Variants in CMTR1 observed in about 807,000 individuals in gnomAD.
CMTR1 encodes the protein cap-specific mRNA (nucleoside-2'-O-)-methyltransferase 1.
A neutral mutation model predicts 107.0 loss-of-function variants in CMTR1; 39 were observed. The observed-to-expected ratio is 0.36, with a 90% confidence interval of 0.28 to 0.48. The LOEUF (loss-of-function observed/expected upper bound fraction) is 0.48, where lower values mean the gene tolerates loss of function less well. Among genes scored for constraint, CMTR1 ranks in the 20% least tolerant of loss-of-function variants. The pLI is 0.99. For missense variants in CMTR1, 672 were observed against 1,064.9 expected, an observed-to-expected ratio of 0.63 and a Z score of 5.14; for synonymous variants, 366 against 379.5, an observed-to-expected ratio of 0.96 and a Z score of 0.41.
rs557292120 is a variant in CMTR1 at position 37,472,776 on chromosome 6, G to A, written c.1689+289G>A. Among the ~76,000 whole-genome samples the A allele has an allele frequency of 2.7e-4, 41 of 152,336 alleles. No individual in the cohort carries two copies. The highest frequency in any genetic ancestry group is 5.1e-4 in the Non-Finnish European group (35 of 68,032). On this transcript the variant is annotated intron_variant, in intron 16 of 23. Transcript: ENST00000373451. The surrounding 1 kb of genome is among the most constrained non-coding windows in gnomAD (Gnocchi z 4.1). Reference sequence around the variant, plus strand: ...GCTGTGTCACCCTGGCAAGTTCAGGGTCCTGTGGGATTTGCCTACAAAGGA... The same window carrying A: ...GCTGTGTCACCCTGGCAAGTTCAGGATCCTGTGGGATTTGCCTACAAAGGA...
the CMTR1 span, among the ~76,000 whole-genome samples, chr6:37,424,261 G>A: frequency 7.8e-6 from 1 of 128,648 alleles, no homozygotes; most frequent in Non-Finnish European, 1.7e-5. Flanking sequence ...TTTTTTTTTT[G>A]AGATGGAGTC....
At chr6:37,474,708 C>G in intron 18 of CMTR1, 62 bp downstream of exon 18, 4 of 1,595,354 alleles carry the variant, frequency 2.5e-6, no homozygotes, top group Non-Finnish European at 2.6e-6. Flanking sequence ...GCTGCTGAAC[C>G]TGGCCTTTTG....
At chr6:37,436,567 C>G (rs1332291749) in intron 2 of CMTR1, among the ~76,000 whole-genome samples, 1 of 152,212 alleles carries the variant, frequency 6.6e-6, no homozygotes, top group Admixed American at 6.5e-5. Flanking sequence ...GAAGACCTTC[C>G]TTACCACTTC....
intron 23 of CMTR1, 143 bp downstream of exon 23, chr6:37,479,398 C>A: frequency 1.5e-6 from 1 of 657,664 alleles, no homozygotes; most frequent in South Asian, 1.8e-5. Flanking sequence ...CCTGAGAATA[C>A]TTGTGGGGAT....
chr6:37,452,696 A>G (rs1282821007), intron 6 of CMTR1, among the ~76,000 whole-genome samples: 2 of 152,186 alleles, frequency 1.3e-5, no homozygotes, highest in East Asian at 3.8e-4. Flanking sequence ...AAGCCTTCAT[A>G]CCAGAACTTT....
chr6:37,437,016 A>G (rs1320592109), intron 2 of CMTR1, among the ~76,000 whole-genome samples: 1 of 152,176 alleles, frequency 6.6e-6, no homozygotes, highest in Non-Finnish European at 1.5e-5. Context: ...TCCAGAGAGA[A>G]GCTTGACAGG....
chr6:37,455,958 G>A (rs1010133879), intron 8 of CMTR1, among the ~76,000 whole-genome samples: 4 of 152,236 alleles, frequency 2.6e-5, no homozygotes, highest in African/African-American at 4.8e-5. Context: ...TGCACAGTCA[G>A]TAAGTAGCAG....
At position 37,451,798 on chromosome 6, in the gene CMTR1, C is replaced by T. The variant is rs1211124539; in HGVS notation, c.538-8C>T. ...TGGTCATTACTTACTGCTTTTTTCT[C>T]CCTGTAGAGAAAGATGATTATTGAA... On this transcript the variant is annotated splice_region_variant and splice_polypyrimidine_tract_variant and intron_variant, in intron 5 of 23. Coordinates refer to ENST00000373451, the MANE Select transcript of CMTR1 (RefSeq NM_015050.3). The T allele has an allele frequency of 1.9e-6, 3 of 1,610,938 alleles. No homozygotes were observed. The highest frequency in any genetic ancestry group is 2.5e-6 in the Non-Finnish European group (3 of 1,177,650).
intron 22 of CMTR1, among the ~76,000 whole-genome samples, 180 bp from the exon 23 acceptor site, chr6:37,478,967 T>C (rs1761800490): frequency 6.6e-6 from 1 of 152,184 alleles, no homozygotes; most frequent in African/African-American, 2.4e-5. Flanking sequence ...AGTCATCGCG[T>C]AGTCATTCTC....
chr6:37,445,981 G>C (rs1771785480), intron 3 of CMTR1, among the ~76,000 whole-genome samples: 1 of 152,104 alleles, frequency 6.6e-6, no homozygotes, highest in South Asian at 2.1e-4. Flanking sequence ...CACTTAATCA[G>C]ACAAATTAGC....
In CMTR1 at chr6:37,461,597, C is replaced by T; in HGVS notation, c.1144C>T (p.Gln382Ter). 3 of 1,611,860 alleles carry T rather than the reference C, an allele frequency of 1.9e-6. No homozygotes were observed. The highest frequency in any genetic ancestry group is 1.7e-6 in the Non-Finnish European group (2 of 1,178,796). The change falls in exon 11 of 24, where the codon CAG (glutamine) becomes TAG (stop). Residue 382 changes from glutamine (Q) to a stop codon, truncating the protein, a stop_gained. Transcript: ENST00000373451. LOFTEE classifies it high-confidence loss of function. ...QENLQEILSK[Q>*]LLLCQFLMAL... ...GAACCTGCAGGAGATCCTCAGCAAG[C>T]AGCTGCTTCTGTGTCAGTTCCTCAT...
At chr6:37,428,425 C>T (rs1417499767), upstream of CMTR1, among the ~76,000 whole-genome samples, 1 of 151,996 alleles carries the variant, frequency 6.6e-6, no homozygotes, top group Non-Finnish European at 1.5e-5. Flanking sequence ...TTCGTGGGTT[C>T]CCTGGCTCTG....
rs1389958083 is a variant in CMTR1, at chr6:37,480,157, T to C, written c.*12T>C. Reference sequence around the variant, plus strand: ...TGCACAGGGCCTAAGAGCCTCAGAATGTGCCACCCCTGCAGAATGCCCTGT... The same window carrying C: ...TGCACAGGGCCTAAGAGCCTCAGAACGTGCCACCCCTGCAGAATGCCCTGT... On this transcript the variant is annotated 3_prime_UTR_variant, in exon 24 of 24. Transcript: ENST00000373451. The C allele has an allele frequency of 2.5e-6, 4 of 1,597,638 alleles. No homozygotes were observed. Among genetic ancestry groups the C allele is most frequent in the Non-Finnish European group, 2.6e-6 (3 of 1,172,692 alleles).
chr6:37,450,530 A>G (rs1040978309), intron 5 of CMTR1, among the ~76,000 whole-genome samples, 187 bp downstream of exon 5: 1 of 152,166 alleles, frequency 6.6e-6, no homozygotes, highest in Non-Finnish European at 1.5e-5. Flanking sequence ...TGGAGATATG[A>G]CAGGGTTTTT....
At chr6:37,433,761 C>T (rs1771452514) in intron 1 of CMTR1, among the ~76,000 whole-genome samples, 1 of 152,242 alleles carries the variant, frequency 6.6e-6, no homozygotes, top group Non-Finnish European at 1.5e-5. Flanking sequence ...CGCTTGCCTT[C>T]CGCTTAGAAG....
Position 37,481,190 on chromosome 6 carries a change from G to C in CMTR1, c.*1045G>C. On this transcript the variant is annotated 3_prime_UTR_variant, in exon 24 of 24. Transcript: ENST00000373451. ...TTCCTTTATCTTGGCCGACAACACA[G>C]AGAGGAGGGGGAGCTGGGCAGTAGC... The C allele has an allele frequency of 7.7e-7, 1 of 1,301,306 alleles. No homozygotes were observed. Among genetic ancestry groups the C allele is most frequent in the Non-Finnish European group, 1.0e-6 (1 of 986,566 alleles). 80.6% of individuals were successfully genotyped at this position (1,301,306 alleles called of 1,614,324 possible). A position where few individuals can be genotyped will look rare whatever the true frequency, so the allele number is the denominator to read the frequency against.
intron 2 of CMTR1, among the ~76,000 whole-genome samples, chr6:37,436,848 C>G (rs1771540595): frequency 6.6e-6 from 1 of 152,140 alleles, no homozygotes; most frequent in East Asian, 1.9e-4. Flanking sequence ...ATATTGGATC[C>G]TCTGTTGGAT....
chr6:37,454,802 C>T (rs1470016739), intron 8 of CMTR1, among the ~76,000 whole-genome samples: 2 of 152,158 alleles, frequency 1.3e-5, no homozygotes, highest in Non-Finnish European at 2.9e-5. Context: ...TGATTTCTCT[C>T]GAGCCCCTGG....
In CMTR1 at chr6:37,474,540, C is replaced by T. The variant is rs772905241; in HGVS notation, c.1838C>T (p.Thr613Ile). 27 of 1,613,780 alleles carry T rather than the reference C, an allele frequency of 1.7e-5. No homozygotes were observed. In the Middle Eastern group the frequency reaches 6.6e-4, roughly 39 times the overall value. The change falls in exon 18 of 24, where the codon ACA becomes ATA. Residue 613 changes from threonine to isoleucine, a missense_variant. Thr to Ile is a moderately conservative substitution (Grantham distance 89). Around this residue, in one of 2 missense-constraint regions of CMTR1, gnomAD observed 583 missense variants for 968.4 expected, o/e 0.60. Coordinates refer to ENST00000373451, the MANE Select transcript of CMTR1 (RefSeq NM_015050.3). Reference sequence around the variant, plus strand: ...TGCCTGTAGAAATCCCAGATCTACACATGGGATGGCCGCCAGTCAGACCGC... The same window carrying T: ...TGCCTGTAGAAATCCCAGATCTACATATGGGATGGCCGCCAGTCAGACCGC... ...LIGLGKSQIY[T>I]WDGRQSDRWI...
Sources: allele counts gnomAD v4.1 joint callset (sites outside exome capture counted in the v4.1 genomes callset), GRCh38; gene constraint gnomAD v4.1.1; regional missense constraint gnomAD v4.1.1; non-coding constraint Gnocchi (gnomAD v3.1); transcripts MANE v1.5; gene names NCBI Gene and HGNC (gene_info 2026-07-23, HGNC 2026-07-21).